The following PTN variants were observed in gnomAD, a reference collection of about 807,000 sequenced individuals.
PTN encodes heparin affin regulatory protein.
In PTN, 18 loss-of-function variants were observed where a neutral mutation model predicts 24.1. The observed-to-expected ratio is 0.75, with a 90% CI of 0.52 to 1.11. The LOEUF is 1.11. Among genes scored for constraint, PTN ranks in the 50% least tolerant of loss-of-function variants. The probability of loss-of-function intolerance (pLI) is 0.00; values close to 1 mark genes in which losing one functional copy is unlikely to be tolerated. For missense variants in PTN, 163 were observed against 198.8 expected, an observed-to-expected ratio of 0.82 and a Z score of 1.08; for synonymous variants, 78 against 68.6, an observed-to-expected ratio of 1.14 and a Z score of -0.67.
At chr7:137,314,749 C>G (rs544654688) in intron 1 of PTN, among the ~76,000 whole-genome samples, 1 of 151,924 alleles carries the variant, frequency 6.6e-6, no homozygotes, top group Non-Finnish European at 1.5e-5. Flanking sequence ...TGCCCACCAC[C>G]GCACTCAGCT....
chr7:137,327,564 G>A (rs1240416074), intron 1 of PTN, among the ~76,000 whole-genome samples: 4 of 151,958 alleles, frequency 2.6e-5, no homozygotes, highest in South Asian at 2.1e-4. Context: ...GGGATGTGAC[G>A]GGAGGAGGAT....
intron 1 of PTN, among the ~76,000 whole-genome samples, chr7:137,314,890 G>T (rs1020405564): frequency 1.3e-5 from 2 of 152,088 alleles, no homozygotes; most frequent in Non-Finnish European, 2.9e-5. Flanking sequence ...ACCGCACCCG[G>T]CCCATGTTGC....
At chr7:137,248,823 C>T (rs977218388) in intron 4 of PTN, among the ~76,000 whole-genome samples, 4 of 152,100 alleles carry the variant, frequency 2.6e-5, no homozygotes, top group Non-Finnish European at 5.9e-5. Context: ...ATTTTAATGA[C>T]CTGTAAATTG....
chr7:137,301,281 C>A (rs1809801273), intron 1 of PTN, among the ~76,000 whole-genome samples: 2 of 151,792 alleles, frequency 1.3e-5, no homozygotes, highest in South Asian at 4.2e-4. Flanking sequence ...CCTAAGTGAC[C>A]AGGTGCAACC....
chr7:137,330,255 C>T (rs1268746842), intron 1 of PTN, among the ~76,000 whole-genome samples: 1 of 151,818 alleles, frequency 6.6e-6, no homozygotes, highest in Non-Finnish European at 1.5e-5. Context: ...CACTGCACTC[C>T]AGCCTGGGCA....
At chr7:137,327,080 C>T (rs778338535) in intron 1 of PTN, 2 of 152,070 alleles carry the variant, frequency 1.3e-5, no homozygotes, top group Non-Finnish European at 2.9e-5. Context: ...TTTAAGCAAA[C>T]CATTGAAGTA....
At chr7:137,336,077 G>A (rs928609424) in intron 1 of PTN, among the ~76,000 whole-genome samples, 4 of 152,036 alleles carry the variant, frequency 2.6e-5, no homozygotes, top group Non-Finnish European at 5.9e-5. Flanking sequence ...ACAATAGCAG[G>A]ATTGGGAAAC....
At chr7:137,311,174 G>C (rs535980949) in intron 1 of PTN, among the ~76,000 whole-genome samples, 1 of 148,698 alleles carries the variant, frequency 6.7e-6, no homozygotes, top group East Asian at 2.0e-4. Flanking sequence ...AGAGGTTGCA[G>C]TGAGCTGAGA....
rs79726047 is a variant in PTN at position 137,234,042 on chromosome 7, C to G, written c.452-5967G>C. Among the ~76,000 whole-genome samples the G allele has an allele frequency of 3.4e-4, 51 of 151,488 alleles. 1 individual carries two copies. In the East Asian group the frequency reaches 9.7e-3, roughly 29 times the overall value. ...TCATAACTTCACAATGTAGAAACAACACTTTTAACGAGTTCTATTTATGTT... is the reference window on the plus strand; with the variant it reads ...TCATAACTTCACAATGTAGAAACAAGACTTTTAACGAGTTCTATTTATGTT... On this transcript the variant is annotated intron_variant, in intron 4 of 4. Coordinates refer to ENST00000348225, the MANE Select transcript of PTN (RefSeq NM_002825.7).
chr7:137,235,864 A>T (rs1808511112), intron 4 of PTN, among the ~76,000 whole-genome samples: 1 of 152,050 alleles, frequency 6.6e-6, no homozygotes, highest in Admixed American at 6.6e-5. Flanking sequence ...TTCTGATATC[A>T]AGTATACGTG....
chr7:137,251,100 T>G, intron 4 of PTN, 130 bp downstream of exon 4: 1 of 1,075,450 alleles, frequency 9.3e-7, no homozygotes, highest in Non-Finnish European at 1.4e-6. Flanking sequence ...TGACTCTCAG[T>G]GTAGGGGAGT....
intron 1 of PTN, among the ~76,000 whole-genome samples, chr7:137,336,076 G>A (rs981471042): frequency 6.6e-6 from 1 of 151,916 alleles, no homozygotes; most frequent in Non-Finnish European, 1.5e-5. Context: ...GACAATAGCA[G>A]GATTGGGAAA....
At chr7:137,246,708 TC>T (rs1648217941) in intron 4 of PTN, among the ~76,000 whole-genome samples, 1 of 152,174 alleles carries the variant, frequency 6.6e-6, no homozygotes, top group South Asian at 2.1e-4. Context: ...TTAGGCAAGG[TC>T]CCCAGAAGCT....
At chr7:137,230,665 CTAAAT>C (rs2128867132) in intron 4 of PTN, among the ~76,000 whole-genome samples, 1 of 151,862 alleles carries the variant, frequency 6.6e-6, no homozygotes, top group African/African-American at 2.4e-5. Context: ...AACTGAAAGA[CTAAAT>C]GAGCTTTGTC....
At chr7:137,251,476 C>A (rs1284314538) in intron 3 of PTN, 85 bp from the exon 4 acceptor site, 4 of 1,433,754 alleles carry the variant, frequency 2.8e-6, no homozygotes, top group Non-Finnish European at 2.9e-6. Flanking sequence ...TTGTTTGTAA[C>A]TTTTTTATTG....
At chr7:137,278,945 C>CAAT (rs59932923) in intron 1 of PTN, among the ~76,000 whole-genome samples, 32,219 of 133,988 alleles carry the variant, frequency 0.24, 4,582 homozygotes, top group Admixed American at 0.37. Context: ...CATCTCAGAA[C>CAAT]AATAATAATA....
At chr7:137,263,002 C>G (rs1809070217) in intron 1 of PTN, among the ~76,000 whole-genome samples, 1 of 152,096 alleles carries the variant, frequency 6.6e-6, no homozygotes, top group Non-Finnish European at 1.5e-5. Flanking sequence ...CCCTCATTTC[C>G]CCCCTTCGAG....
intron 1 of PTN, among the ~76,000 whole-genome samples, chr7:137,335,833 T>C (rs1297848438): frequency 6.6e-6 from 1 of 152,126 alleles, no homozygotes; most frequent in Non-Finnish European, 1.5e-5. Flanking sequence ...ATGTGACATG[T>C]AGCTTTTAAG....
chr7:137,310,401 T>G (rs1205094646), intron 1 of PTN, among the ~76,000 whole-genome samples: 31 of 96,150 alleles, frequency 3.2e-4, no homozygotes, highest in Non-Finnish European at 3.8e-4. Context: ...TTTTTTTTTT[T>G]TTGTTTTTTT....
Sources: allele counts gnomAD v4.1 joint callset (sites outside exome capture counted in the v4.1 genomes callset), GRCh38; gene constraint gnomAD v4.1.1; transcripts MANE v1.5; gene names NCBI Gene and HGNC (gene_info 2026-07-23, HGNC 2026-07-21).